The following ROCK2 variants were observed in gnomAD, a reference collection of about 807,000 sequenced individuals.
ROCK2 encodes Rho associated coiled-coil containing protein kinase 2, also known as rho-associated protein kinase 2.
Under a neutral mutation model 195.1 loss-of-function variants are expected in ROCK2, and 61 were observed. The observed-to-expected ratio is 0.31, with a 90% confidence interval of 0.25 to 0.39. The LOEUF (loss-of-function observed/expected upper bound fraction) is 0.39. Ranked by LOEUF, ROCK2 falls within the 10% of genes least tolerant of loss-of-function variation. The pLI, the probability that ROCK2 is intolerant of heterozygous loss-of-function variation, is 1.00. For synonymous variants in ROCK2, 504 were observed against 545.5 expected (o/e 0.92, Z 1.06); for missense variants, 1,109 against 1,637.4 (o/e 0.68, Z 5.57).
intron 6 of ROCK2, 69 bp from the exon 7 acceptor site, chr2:11,224,529 T>C: frequency 7.3e-7 from 1 of 1,373,492 alleles, no homozygotes; most frequent in Middle Eastern, 2.2e-4. Context: ...CACCTAGTAC[T>C]TAAATATGTT....
chr2:11,190,296 T>G (rs1024124190), intron 32 of ROCK2, among the ~76,000 whole-genome samples: 2 of 151,848 alleles, frequency 1.3e-5, no homozygotes, highest in Non-Finnish European at 2.9e-5. Context: ...TACTTACCGT[T>G]GCTATGACAA....
At chr2:11,267,433 A>G (rs954929462) in intron 3 of ROCK2, among the ~76,000 whole-genome samples, 28 of 151,834 alleles carry the variant, frequency 1.8e-4, no homozygotes, top group Non-Finnish European at 2.9e-4. Context: ...CTCAACTGTC[A>G]TGTCATCTAA....
intron 32 of ROCK2, among the ~76,000 whole-genome samples, chr2:11,187,435 G>A (rs1278878679): frequency 6.6e-6 from 1 of 152,088 alleles, no homozygotes; most frequent in Non-Finnish European, 1.5e-5. Flanking sequence ...GTATGTGTAC[G>A]GTCCAGTACT....
At chr2:11,227,633 T>C (rs1664860756) in intron 5 of ROCK2, among the ~76,000 whole-genome samples, 1 of 152,190 alleles carries the variant, frequency 6.6e-6, no homozygotes, top group African/African-American at 2.4e-5. Context: ...GGAGGCTTCC[T>C]CAATGAAAGA....
chr2:11,218,784 T>G (rs1158308754), intron 10 of ROCK2, among the ~76,000 whole-genome samples, 182 bp downstream of exon 10: 1 of 152,214 alleles, frequency 6.6e-6, no homozygotes, highest in Non-Finnish European at 1.5e-5. Flanking sequence ...CCATCATGTC[T>G]TGAATAATGA....
At position 11,244,215 on chromosome 2, in the gene ROCK2, C is replaced by A. The variant is rs1665532401; in HGVS notation, c.462+5446G>T. 2.0e-5 allele frequency among the ~76,000 whole-genome samples: 3 copies of A among 152,176 alleles called. No homozygotes were observed. In the South Asian group the frequency reaches 6.2e-4, roughly 32 times the overall value. On this transcript the variant is annotated intron_variant, in intron 4 of 32. Transcript: ENST00000315872. ...TTGAATTTTATCAATAAAAACTGTG[C>A]AGAAATTTGTTTCCTCATTATATAA...
At chr2:11,196,860 T>C (rs1663656631) in intron 27 of ROCK2, among the ~76,000 whole-genome samples, 1 of 152,082 alleles carries the variant, frequency 6.6e-6, no homozygotes, top group African/African-American at 2.4e-5. Context: ...CTGAGTGATA[T>C]GAACTAAACA....
intron 1 of ROCK2, among the ~76,000 whole-genome samples, chr2:11,330,765 G>GA (rs1668702698): frequency 1.1e-5 from 1 of 90,756 alleles, no homozygotes; most frequent in Non-Finnish European, 2.3e-5. Context: ...GAGGAGGGAG[G>GA]AGGAGGAGGG....
chr2:11,224,779 G>T (rs1558306674), intron 6 of ROCK2, among the ~76,000 whole-genome samples: 1 of 151,610 alleles, frequency 6.6e-6, no homozygotes, highest in Admixed American at 6.6e-5. Flanking sequence ...AAGAGAAAGA[G>T]TTCCTATGTG....
intron 1 of ROCK2, among the ~76,000 whole-genome samples, chr2:11,310,591 G>C (rs1361527907): frequency 1.3e-5 from 2 of 152,040 alleles, no homozygotes; most frequent in African/African-American, 4.8e-5. Context: ...TCTATTTTTT[G>C]ATAATTCCTG....
At chr2:11,220,085 C>T (rs1446154503) in intron 9 of ROCK2, among the ~76,000 whole-genome samples, 1 of 152,122 alleles carries the variant, frequency 6.6e-6, no homozygotes, top group Non-Finnish European at 1.5e-5. Context: ...GGCACGATCT[C>T]GTTTCAACCA....
chr2:11,342,494 T>C (rs1483158348), intron 1 of ROCK2, among the ~76,000 whole-genome samples: 4 of 152,220 alleles, frequency 2.6e-5, no homozygotes, highest in African/African-American at 4.8e-5. Flanking sequence ...TCAAAGTGAA[T>C]TGCAAAACGT....
At chr2:11,205,310 T>G (rs901130630) in intron 20 of ROCK2, among the ~76,000 whole-genome samples, 4 of 152,188 alleles carry the variant, frequency 2.6e-5, no homozygotes, top group Admixed American at 2.0e-4. Context: ...GAATACTTCT[T>G]TTCCATCTAT....
intron 27 of ROCK2, among the ~76,000 whole-genome samples, chr2:11,195,919 G>C (rs1043933923): frequency 6.6e-6 from 1 of 152,150 alleles, no homozygotes; most frequent in Non-Finnish European, 1.5e-5. Context: ...TTCAACTAAG[G>C]AATGTGTATG....
At chr2:11,228,373 AG>A (rs539928076) in intron 5 of ROCK2, among the ~76,000 whole-genome samples, 7 of 152,320 alleles carry the variant, frequency 4.6e-5, no homozygotes, top group Admixed American at 1.3e-4. Context: ...GTTATAGAAA[AG>A]ATCTTTTCAT....
At chr2:11,240,198 G>A (rs894053350) in intron 4 of ROCK2, among the ~76,000 whole-genome samples, 6 of 152,030 alleles carry the variant, frequency 3.9e-5, no homozygotes, top group Non-Finnish European at 5.9e-5. Context: ...TCCCTCTCCC[G>A]GGAGGTCTGG....
At chr2:11,267,653 T>A (rs115436872) in intron 3 of ROCK2, among the ~76,000 whole-genome samples, 5,207 of 151,774 alleles carry the variant, frequency 0.034, 129 homozygotes, top group South Asian at 0.057. Flanking sequence ...ACGGCATTGT[T>A]CAAGTCCCCT....
chr2:11,249,210 T>C (rs1394399008), intron 4 of ROCK2, among the ~76,000 whole-genome samples: 1 of 152,192 alleles, frequency 6.6e-6, no homozygotes, highest in East Asian at 1.9e-4. Context: ...AAACTTTTTA[T>C]TTTTTTAATG....
rs1664380414 is a variant in ROCK2, at chr2:11,215,105, C to T, written c.1690-19G>A. The T allele has an allele frequency of 6.2e-7, 1 of 1,612,432 alleles. No individual in the cohort carries two copies. The highest frequency in any genetic ancestry group is 1.7e-5 in the Admixed American group (1 of 59,856). ...CATCCAGCTGTTATTCCATTCAAAA[C>T]CAAACAACAACAAACAAACACACAT... On this transcript the variant is annotated intron_variant, in intron 15 of 32. Coordinates refer to ENST00000315872, the MANE Select transcript of ROCK2 (RefSeq NM_004850.5).
Sources: allele counts gnomAD v4.1 joint callset (sites outside exome capture counted in the v4.1 genomes callset), GRCh38; gene constraint gnomAD v4.1.1; transcripts MANE v1.5; gene names NCBI Gene and HGNC (gene_info 2026-07-23, HGNC 2026-07-21).